The following ADGRV1 variants were observed in gnomAD, a reference collection of about 807,000 sequenced individuals.
The protein encoded by ADGRV1 is G-protein coupled receptor 98.
ADGRV1 carries 359 observed loss-of-function variants against 596.2 expected under a neutral mutation model. That is an observed-to-expected ratio of 0.60 (90% CI 0.55 to 0.66). The LOEUF is 0.66. Ranked by LOEUF, ADGRV1 falls within the 30% of genes least tolerant of loss-of-function variation. ADGRV1 has a pLI of 0.00. For synonymous variants in ADGRV1, 2,681 were observed against 2,679.2 expected (o/e 1.00, Z -0.02); for missense variants, 7,274 against 7,575.6 (o/e 0.96, Z 1.48).
At chr5:91,094,295 C>T (rs991404443) in intron 86 of ADGRV1, among the ~76,000 whole-genome samples, 1 of 151,826 alleles carries the variant, frequency 6.6e-6, no homozygotes, top group African/African-American at 2.4e-5. Context: ...CCCATCTCTA[C>T]TAAAAACACA....
intron 21 of ADGRV1, among the ~76,000 whole-genome samples, chr5:90,664,112 A>G (rs913486201): frequency 6.7e-6 from 1 of 148,594 alleles, no homozygotes; most frequent in Non-Finnish European, 1.5e-5. Flanking sequence ...TTTTGGTTCC[A>G]TATGAACTTT....
intron 1 of ADGRV1, among the ~76,000 whole-genome samples, chr5:90,571,867 T>G (rs1380289614): frequency 1.3e-5 from 2 of 152,132 alleles, no homozygotes; most frequent in African/African-American, 4.8e-5. Context: ...GTTCACTGAT[T>G]TCCTGGAGAT....
At chr5:91,060,873 A>G (rs1852734) in intron 85 of ADGRV1, among the ~76,000 whole-genome samples, 96,054 of 152,048 alleles carry the variant, frequency 0.63, 30,627 homozygotes, top group South Asian at 0.68. Context: ...CTAAAATGTG[A>G]TGAATAATTA....
intron 75 of ADGRV1, among the ~76,000 whole-genome samples, chr5:90,820,653 T>C (rs1357953463): frequency 3.3e-5 from 5 of 150,248 alleles, no homozygotes; most frequent in Non-Finnish European, 7.4e-5. Flanking sequence ...TGTAAAGTAT[T>C]TTATTTCTCC....
At chr5:90,975,411 T>C (rs542188374) in intron 84 of ADGRV1, among the ~76,000 whole-genome samples, 2 of 152,336 alleles carry the variant, frequency 1.3e-5, no homozygotes, top group African/African-American at 4.8e-5. Flanking sequence ...TGTATGTTTA[T>C]TGTGGCACTA....
chr5:90,863,639 C>T, intron 82 of ADGRV1, 118 bp from the exon 83 acceptor site: 1 of 750,066 alleles, frequency 1.3e-6, no homozygotes, highest in South Asian at 1.4e-5. Context: ...TCCAGAGGTA[C>T]TGGGCAGAGG....
chr5:90,847,115 G>C (rs1032787432), intron 78 of ADGRV1, among the ~76,000 whole-genome samples: 2 of 151,972 alleles, frequency 1.3e-5, no homozygotes, highest in Non-Finnish European at 2.9e-5. Flanking sequence ...GCCCCCACCA[G>C]ATTAACTAGA....
intron 1 of ADGRV1, among the ~76,000 whole-genome samples, chr5:90,566,924 G>A (rs1755711506): frequency 1.3e-5 from 2 of 152,086 alleles, no homozygotes; most frequent in South Asian, 4.1e-4. Flanking sequence ...TGGTCTTTCA[G>A]CATTAAGTAT....
chr5:90,761,390 G>A (rs956561356), intron 58 of ADGRV1, among the ~76,000 whole-genome samples: 9 of 152,158 alleles, frequency 5.9e-5, no homozygotes, highest in Non-Finnish European at 1.2e-4. Flanking sequence ...AATTACACAT[G>A]AATATGTAAT....
intron 4 of ADGRV1, among the ~76,000 whole-genome samples, chr5:90,620,339 C>A (rs1350869757): frequency 2.0e-5 from 3 of 152,182 alleles, no homozygotes; most frequent in Non-Finnish European, 4.4e-5. Context: ...ATTTGCATTT[C>A]TCTGATGGCC....
chr5:90,965,289 A>C (rs755314175), intron 83 of ADGRV1, 126 bp from the exon 84 acceptor site: 6 of 650,086 alleles, frequency 9.2e-6, no homozygotes, highest in Non-Finnish European at 1.7e-5. Context: ...CAGTTTGGGC[A>C]AGAAGTCAAC....
chr5:90,653,932 A>G lies in ADGRV1; in HGVS notation c.4358A>G (p.Lys1453Arg). ...NAMPRGIKSL[K>R]GEAITDGPGI... ...ATGCCCAGGGGAATCAAGAGTCTGAAAGGAGAAGCCATTACTGACGGTGAG... is the reference window on the plus strand; with the variant it reads ...ATGCCCAGGGGAATCAAGAGTCTGAGAGGAGAAGCCATTACTGACGGTGAG... Residue 1453 changes from lysine to arginine, a missense_variant, in exon 20 of 90, where the codon AAA (lysine) becomes AGA (arginine). Around this residue, in one of 5 missense-constraint regions of ADGRV1, gnomAD observed 38 missense variants for 66.7 expected, o/e 0.57. Transcript: ENST00000405460. 3 of 1,559,102 alleles carry G rather than the reference A, an allele frequency of 1.9e-6. No individual in the cohort carries two copies. The highest frequency in any genetic ancestry group is 2.6e-6 in the Non-Finnish European group (3 of 1,150,682).
At chr5:90,985,244 C>T in intron 84 of ADGRV1, 100 bp from the exon 85 acceptor site, 1 of 661,356 alleles carries the variant, frequency 1.5e-6, no homozygotes, top group Non-Finnish European at 2.4e-6. Flanking sequence ...TAAGTAGATC[C>T]TGGCCTTTTG....
At chr5:90,667,195 C>G (rs2149515265) in intron 21 of ADGRV1, among the ~76,000 whole-genome samples, 3 of 143,668 alleles carry the variant, frequency 2.1e-5, no homozygotes, top group African/African-American at 7.9e-5. Context: ...GGATAATATC[C>G]TGCAGAGTGT....
intron 45 of ADGRV1, among the ~76,000 whole-genome samples, chr5:90,723,355 G>A (rs943218019): frequency 1.3e-5 from 2 of 152,106 alleles, no homozygotes; most frequent in Non-Finnish European, 2.9e-5. Flanking sequence ...AGAAGAAAAA[G>A]GAGATAATTA....
intron 86 of ADGRV1, among the ~76,000 whole-genome samples, chr5:91,081,137 T>TCCTCTCATGGATGAGAGAGAAC (rs1342940364): frequency 6.6e-6 from 1 of 152,066 alleles, no homozygotes; most frequent in East Asian, 1.9e-4. Context: ...TTTTGCTCTC[T>TCCTCTCATGGATGAGAGAGAAC]CCTCTCATGG....
intron 84 of ADGRV1, among the ~76,000 whole-genome samples, chr5:90,973,047 A>G (rs1233441270): frequency 2.6e-5 from 4 of 152,198 alleles, no homozygotes. Flanking sequence ...AGAAATACAG[A>G]CTACCATCAG....
intron 85 of ADGRV1, among the ~76,000 whole-genome samples, chr5:91,004,001 T>C (rs764875025): frequency 6.6e-6 from 1 of 152,162 alleles, no homozygotes; most frequent in Non-Finnish European, 1.5e-5. Context: ...CCATTTAAAG[T>C]ATACATTCAG....
chr5:91,153,524 A>G, intron 89 of ADGRV1, 126 bp downstream of exon 89: 1 of 510,702 alleles, frequency 2.0e-6, no homozygotes. Flanking sequence ...CTCATGACCC[A>G]TTCCTAATCC....
Sources: gnomAD v4.1 joint callset for allele counts (sites outside exome capture counted in the v4.1 genomes callset) on GRCh38, gnomAD v4.1.1 for gene constraint, gnomAD v4.1.1 regional missense constraint, MANE v1.5 for transcripts, NCBI Gene and HGNC (gene_info 2026-07-23, HGNC 2026-07-21) for gene names.